ZBTB7C: variants seen among roughly 807,000 people sequenced by gnomAD.
The protein encoded by ZBTB7C is zinc finger and BTB domain-containing protein 7C.
ZBTB7C carries 8 observed loss-of-function variants against 25.7 expected under a neutral mutation model. The observed-to-expected ratio is 0.31, with a 90% confidence interval of 0.18 to 0.56. ZBTB7C has a LOEUF of 0.56. Ranked by LOEUF, ZBTB7C falls within the 20% of genes least tolerant of loss-of-function variation. The pLI is 0.91. For synonymous variants in ZBTB7C, 394 were observed against 369.0 expected, an observed-to-expected ratio of 1.07 and a Z score of -0.78; for missense variants, 824 against 855.2, an observed-to-expected ratio of 0.96 and a Z score of 0.46.
At chr18:48,068,862 G>T (rs1020496551) in intron 3 of ZBTB7C, among the ~76,000 whole-genome samples, 1 of 152,198 alleles carries the variant, frequency 6.6e-6, no homozygotes, top group African/African-American at 2.4e-5. Flanking sequence ...CCACTATTAT[G>T]GTCAGAATCT....
chr18:48,321,356 C>G (rs2046087989), intron 2 of ZBTB7C, among the ~76,000 whole-genome samples: 1 of 152,226 alleles, frequency 6.6e-6, no homozygotes, highest in African/African-American at 2.4e-5. Context: ...GATGAGCTGA[C>G]TGTACCCAAG....
At chr18:48,172,632 G>A (rs1599027171) in intron 3 of ZBTB7C, among the ~76,000 whole-genome samples, 1 of 152,260 alleles carries the variant, frequency 6.6e-6, no homozygotes, top group African/African-American at 2.4e-5. Context: ...CGGGGCCACA[G>A]GGAATGGCCT....
At chr18:48,113,671 T>G (rs2039325316) in intron 3 of ZBTB7C, among the ~76,000 whole-genome samples, 1 of 149,420 alleles carries the variant, frequency 6.7e-6, no homozygotes, top group South Asian at 2.1e-4. Flanking sequence ...GTGCAAACGA[T>G]GAACTCATTT....
At chr18:48,208,875 C>T (rs1322923883) in intron 2 of ZBTB7C, among the ~76,000 whole-genome samples, 1 of 152,218 alleles carries the variant, frequency 6.6e-6, no homozygotes, top group Non-Finnish European at 1.5e-5. Context: ...TCCCACCCTA[C>T]CCCAGTCACT....
Position 48,105,003 on chromosome 18 carries a change from A to C in ZBTB7C, c.-16-63880T>G, listed in dbSNP as rs549763238. 5.3e-5 allele frequency among the ~76,000 whole-genome samples: 8 copies of C among 152,322 alleles called. No homozygotes were observed. In the East Asian group the frequency reaches 1.5e-3, roughly 29 times the overall value. On this transcript the variant is annotated intron_variant, in intron 3 of 4. Coordinates refer to ENST00000590800, the MANE Select transcript of ZBTB7C (RefSeq NM_001318841.2). ...AAACTCCCACAGTGCTCACCATTGG[A>C]AACATACTGATCCCCGCCTCTGTGG...
At chr18:48,374,572 T>A (rs1568409365) in intron 1 of ZBTB7C, among the ~76,000 whole-genome samples, 1 of 152,190 alleles carries the variant, frequency 6.6e-6, no homozygotes, top group Admixed American at 6.5e-5. Flanking sequence ...TTTCTTTTGG[T>A]CCCTCTCTTC....
intron 3 of ZBTB7C, among the ~76,000 whole-genome samples, chr18:48,093,348 G>A (rs2038491417): frequency 6.6e-6 from 1 of 152,244 alleles, no homozygotes; most frequent in Admixed American, 6.5e-5. Context: ...GCCACTGGCA[G>A]GGCAGCCCCC....
rs1012432970 is a variant in ZBTB7C, at chr18:48,035,378, G to T, written c.1208+4522C>A. On this transcript the variant is annotated intron_variant, in intron 4 of 4. Coordinates refer to ENST00000590800, the MANE Select transcript of ZBTB7C (RefSeq NM_001318841.2). The stretch of plus-strand genomic sequence containing the variant: ...TTCACTACTGTCCCCATCAGGCATG[G>T]CTGGGGCATCTCTGGGAGCCAGGCT... Among the ~76,000 whole-genome samples, 5 of 152,214 alleles carry T rather than the reference G, an allele frequency of 3.3e-5. No individual in the cohort carries two copies. In the South Asian group the frequency reaches 8.3e-4, roughly 25 times the overall value.
intron 3 of ZBTB7C, among the ~76,000 whole-genome samples, chr18:48,151,191 A>C (rs2040665901): frequency 6.6e-6 from 1 of 152,162 alleles, no homozygotes; most frequent in Non-Finnish European, 1.5e-5. Flanking sequence ...GCTGGATTGC[A>C]TCTGAAGCAT....
At chr18:48,353,798 G>T (rs980402013) in intron 1 of ZBTB7C, among the ~76,000 whole-genome samples, 1 of 152,154 alleles carries the variant, frequency 6.6e-6, no homozygotes, top group Non-Finnish European at 1.5e-5. Flanking sequence ...TACTCACACA[G>T]ATGAGGAGCT....
intron 2 of ZBTB7C, among the ~76,000 whole-genome samples, chr18:48,265,218 T>C (rs550081949): frequency 6.6e-6 from 1 of 152,254 alleles, no homozygotes; most frequent in African/African-American, 2.4e-5. Context: ...ACTCTGCTCC[T>C]GCAACTCTGC....
At chr18:48,043,879 C>G (rs1450341846) in intron 3 of ZBTB7C, among the ~76,000 whole-genome samples, 1 of 152,240 alleles carries the variant, frequency 6.6e-6, no homozygotes, top group African/African-American at 2.4e-5. Context: ...CTCTCCATCT[C>G]TCATCCAGCT....
In ZBTB7C at chr18:48,362,025, C is replaced by T. The variant is rs1318295275; in HGVS notation, c.-303-23627G>A. ...CTCCCATTCCACCTTCCCAACAGCT[C>T]CATCACAGGGAAGGCAGGCTTGGGC... On this transcript the variant is annotated intron_variant, in intron 1 of 4. Coordinates refer to ENST00000590800, the MANE Select transcript of ZBTB7C (RefSeq NM_001318841.2). Among the ~76,000 whole-genome samples, 6 of 152,212 alleles carry T rather than the reference C, an allele frequency of 3.9e-5. No individual in the cohort carries two copies. The South Asian group carries it at 1.2e-3, about 32-fold the overall frequency.
intron 3 of ZBTB7C, among the ~76,000 whole-genome samples, chr18:48,127,187 G>A (rs946638703): frequency 1.3e-5 from 2 of 152,172 alleles, no homozygotes; most frequent in Non-Finnish European, 2.9e-5. Flanking sequence ...CAAGGCCACG[G>A]AGCCTGCAGA....
intron 3 of ZBTB7C, among the ~76,000 whole-genome samples, chr18:48,111,778 T>C (rs1176583482): frequency 2.6e-5 from 4 of 152,158 alleles, no homozygotes; most frequent in Admixed American, 1.3e-4. Context: ...ATATATCTTA[T>C]ATGAAACTAA....
intron 2 of ZBTB7C, among the ~76,000 whole-genome samples, chr18:48,322,161 T>C (rs1475823014): frequency 6.6e-6 from 1 of 152,156 alleles, no homozygotes; most frequent in Non-Finnish European, 1.5e-5. Context: ...TTCATCAGAT[T>C]AGTTTCCAGT....
chr18:48,310,389 C>G (rs1480243116), intron 2 of ZBTB7C, among the ~76,000 whole-genome samples: 1 of 150,620 alleles, frequency 6.6e-6, no homozygotes, highest in African/African-American at 2.4e-5. Context: ...GTGTGCAAGT[C>G]TGGATTTTAA....
At position 48,336,125 on chromosome 18, in the gene ZBTB7C, T is replaced by C. The variant is rs1429606411; in HGVS notation, c.-79+2049A>G. Among the ~76,000 whole-genome samples, 4 of 152,366 alleles carry C rather than the reference T, an allele frequency of 2.6e-5. No individual in the cohort carries two copies. In the East Asian group the frequency reaches 7.7e-4, roughly 29 times the overall value. On this transcript the variant is annotated intron_variant, in intron 2 of 4. Transcript: ENST00000590800. ...ACCCACCCCTCCTGCCTCCAGTCTT[T>C]CTGTGTGCCCAGCAACTGCCAAAGC...
At chr18:48,227,038 AG>A (rs377264832) in intron 2 of ZBTB7C, among the ~76,000 whole-genome samples, 2 of 147,662 alleles carry the variant, frequency 1.4e-5, no homozygotes, top group Admixed American at 6.7e-5. Flanking sequence ...AAAAAAAAAA[AG>A]AAAAAGAAAA....
Sources: allele counts gnomAD v4.1 joint callset (sites outside exome capture counted in the v4.1 genomes callset), GRCh38; gene constraint gnomAD v4.1.1; transcripts MANE v1.5; gene names NCBI Gene and HGNC (gene_info 2026-07-23, HGNC 2026-07-21).